Variants in CACNA1E observed in about 807,000 individuals in gnomAD.
CACNA1E encodes the protein voltage-dependent R-type calcium channel subunit alpha-1E.
In CACNA1E, 40 loss-of-function variants were observed where a neutral mutation model predicts 259.2. The ratio of observed to expected loss-of-function variants is 0.15; its 90% CI spans 0.12 to 0.20. The LOEUF is 0.20. CACNA1E is among the 10% of genes least tolerant of loss of function. The probability of loss-of-function intolerance (pLI) is 1.00; values close to 1 mark genes in which losing one functional copy is unlikely to be tolerated. For synonymous variants in CACNA1E, 1,104 were observed against 1,138.5 expected, an observed-to-expected ratio of 0.97 and a Z score of 0.61; for missense variants, 1,874 against 3,040.1, an observed-to-expected ratio of 0.62 and a Z score of 9.02.
chr1:181,370,752 T>C (rs1654635659), intron 1 of CACNA1E, among the ~76,000 whole-genome samples: 1 of 152,184 alleles, frequency 6.6e-6, no homozygotes, highest in African/African-American at 2.4e-5. Flanking sequence ...TGGGTGCATT[T>C]TTTTTGGTAG....
chr1:181,395,166 A>T (rs2102056102), intron 1 of CACNA1E, among the ~76,000 whole-genome samples: 1 of 152,310 alleles, frequency 6.6e-6, no homozygotes, highest in Non-Finnish European at 1.5e-5. Context: ...GGATGGTAGC[A>T]GTGGATGGTG....
At chr1:181,431,116 TAAA>T (rs142320328) in intron 2 of CACNA1E, among the ~76,000 whole-genome samples, 5 of 149,278 alleles carry the variant, frequency 3.3e-5, no homozygotes, top group Non-Finnish European at 7.4e-5. Flanking sequence ...GTTTAAAAAA[TAAA>T]AAAAAAAGAA....
At chr1:181,681,025 A>G (rs1031582501) in intron 7 of CACNA1E, among the ~76,000 whole-genome samples, 1 of 152,258 alleles carries the variant, frequency 6.6e-6, no homozygotes, top group Non-Finnish European at 1.5e-5. Context: ...GAGCACTGTC[A>G]GTTAAATGCT....
Position 181,651,406 on chromosome 1 carries a change from C to T in CACNA1E, c.1020C>T (p.Phe340=), listed in dbSNP as rs1295006805. The T allele has an allele frequency of 6.2e-7, 1 of 1,613,830 alleles. No homozygotes were observed. Residue 340 remains phenylalanine (F), a synonymous_variant, in exon 7 of 48, where the codon TTC becomes TTT. Coordinates refer to ENST00000367573, the MANE Select transcript of CACNA1E (RefSeq NM_001205293.3). ...YFIPLIIIGS[F]FVLNLVLGVL... Reference sequence around the variant, plus strand: ...TCCCCCTCATCATCATTGGATCCTTCTTTGTTCTCAACCTAGTCCTGGGAG... The same window carrying T: ...TCCCCCTCATCATCATTGGATCCTTTTTTGTTCTCAACCTAGTCCTGGGAG...
At chr1:181,380,982 A>G (rs568464811) in intron 1 of CACNA1E, among the ~76,000 whole-genome samples, 17 of 152,308 alleles carry the variant, frequency 1.1e-4, no homozygotes, top group African/African-American at 3.8e-4. Context: ...CCTGGCCAAC[A>G]TGATGAAACC....
intron 1 of CACNA1E, among the ~76,000 whole-genome samples, chr1:181,384,124 T>A (rs1411529004): frequency 6.6e-6 from 1 of 152,222 alleles, no homozygotes; most frequent in Non-Finnish European, 1.5e-5. Flanking sequence ...CAGCTTTTGA[T>A]GCAAGGATTC....
intron 1 of CACNA1E, among the ~76,000 whole-genome samples, chr1:181,509,525 T>C (rs1463549339): frequency 2.6e-5 from 4 of 152,170 alleles, no homozygotes; most frequent in South Asian, 2.1e-4. Flanking sequence ...AGCTAACTTG[T>C]GTTTGTCGTA....
intron 21 of CACNA1E, among the ~76,000 whole-genome samples, chr1:181,734,969 C>T (rs1173915445): frequency 5.9e-5 from 9 of 152,228 alleles, no homozygotes; most frequent in African/African-American, 1.7e-4. Context: ...CCTGCTGCCC[C>T]GTGATCACTG....
At chr1:181,498,859 G>A (rs573621976) in intron 1 of CACNA1E, among the ~76,000 whole-genome samples, 1 of 152,220 alleles carries the variant, frequency 6.6e-6, no homozygotes, top group African/African-American at 2.4e-5. Context: ...CTCTTCTGGG[G>A]CTTCCTCATC....
At chr1:181,318,404 C>G (rs1650073441) in intron 1 of CACNA1E, among the ~76,000 whole-genome samples, 1 of 152,226 alleles carries the variant, frequency 6.6e-6, no homozygotes, top group South Asian at 2.1e-4. Flanking sequence ...CTCTTTGGCA[C>G]TTAGGGTGTG....
chr1:181,513,913 G>A (rs1340997606), intron 3 of CACNA1E, among the ~76,000 whole-genome samples: 1 of 152,140 alleles, frequency 6.6e-6, no homozygotes, highest in African/African-American at 2.4e-5. Flanking sequence ...CTGGCTTTGT[G>A]AATTGCCTTC....
intron 6 of CACNA1E, among the ~76,000 whole-genome samples, chr1:181,583,987 G>A (rs1428741395): frequency 6.6e-6 from 1 of 152,108 alleles, no homozygotes; most frequent in East Asian, 1.9e-4. Context: ...TCTGATCAAT[G>A]CTCTTCATTC....
Position 181,732,861 on chromosome 1 carries a change from C to T in CACNA1E, c.2775C>T (p.Arg925=), listed in dbSNP as rs377522487. 51 of 1,613,814 alleles carry T rather than the reference C, an allele frequency of 3.2e-5. No individual in the cohort carries two copies. The highest frequency in any genetic ancestry group is 2.5e-4 in the East Asian group (11 of 44,872). ...GCCAACGGCGCAGCCGGCATCGCCG[C>T]GTCAGGACAGAAGGCAAGGAGTCCT... is the stretch of plus-strand genomic sequence containing the variant. ...RQSQRRSRHR[R]VRTEGKESSS... The change falls in exon 20 of 48, where the codon CGC becomes CGT. Residue 925 remains arginine, a synonymous_variant. Coordinates refer to ENST00000367573, the MANE Select transcript of CACNA1E (RefSeq NM_001205293.3). The surrounding 1 kb of genome is among the most constrained non-coding windows in gnomAD (Gnocchi z 5.5).
chr1:181,374,871 A>T (rs1323055776), intron 1 of CACNA1E, among the ~76,000 whole-genome samples: 2 of 152,198 alleles, frequency 1.3e-5, no homozygotes, highest in African/African-American at 2.4e-5. Flanking sequence ...TAATAAAACT[A>T]AATTTGGCTT....
chr1:181,549,890 G>C (rs1402955139), intron 3 of CACNA1E, among the ~76,000 whole-genome samples: 1 of 152,208 alleles, frequency 6.6e-6, no homozygotes, highest in Non-Finnish European at 1.5e-5. Flanking sequence ...CTCTAGGTCT[G>C]TGTACTGCGG....
chr1:181,523,052 T>C (rs771538663), intron 3 of CACNA1E, among the ~76,000 whole-genome samples: 4 of 152,248 alleles, frequency 2.6e-5, no homozygotes, highest in Non-Finnish European at 4.4e-5. Flanking sequence ...CGTGGTGTTG[T>C]GGTTGTGGTG....
intron 1 of CACNA1E, among the ~76,000 whole-genome samples, chr1:181,389,032 G>A (rs537153503): frequency 6.6e-6 from 1 of 152,292 alleles, no homozygotes; most frequent in South Asian, 2.1e-4. Flanking sequence ...TTCATCAAAT[G>A]ATCAATCCAT....
At chr1:181,457,761 C>G (rs1433737604) in intron 2 of CACNA1E, among the ~76,000 whole-genome samples, 1 of 152,212 alleles carries the variant, frequency 6.6e-6, no homozygotes, top group Non-Finnish European at 1.5e-5. Flanking sequence ...TGAAGTTGAA[C>G]GAATGTCTGA....
At chr1:181,586,869 G>C (rs2103005674) in intron 6 of CACNA1E, among the ~76,000 whole-genome samples, 1 of 152,364 alleles carries the variant, frequency 6.6e-6, no homozygotes, top group African/African-American at 2.4e-5. Context: ...AAGGATTTCA[G>C]AGAGCAATGG....
Sources: allele counts gnomAD v4.1 joint callset (sites outside exome capture counted in the v4.1 genomes callset), GRCh38; gene constraint gnomAD v4.1.1; non-coding constraint Gnocchi (gnomAD v3.1); transcripts MANE v1.5; gene names NCBI Gene and HGNC (gene_info 2026-07-23, HGNC 2026-07-21).